The following UBE2E2 variants were observed in gnomAD, a reference collection of about 807,000 sequenced individuals.
UBE2E2 encodes ubiquitin conjugating enzyme E2 E2, also known as ubiquitin-conjugating enzyme E2 E2.
Under a neutral mutation model 24.7 loss-of-function variants are expected in UBE2E2, and 6 were observed. The ratio of observed to expected loss-of-function variants is 0.24; its 90% CI spans 0.13 to 0.48. The LOEUF is 0.48. UBE2E2 is among the 20% of genes least tolerant of loss of function. The probability of loss-of-function intolerance (pLI) is 0.99; values close to 1 mark genes in which losing one functional copy is unlikely to be tolerated. For missense variants in UBE2E2, 169 were observed against 245.0 expected (o/e 0.69, Z 2.07); for synonymous variants, 104 against 83.6 (o/e 1.24, Z -1.33).
chr3:23,212,784 T>G (rs1696365130), intron 2 of UBE2E2, among the ~76,000 whole-genome samples: 1 of 152,114 alleles, frequency 6.6e-6, no homozygotes, highest in South Asian at 2.1e-4. Context: ...TTAAAACTTT[T>G]TAATGTTTCT....
chr3:23,494,826 G>C (rs1297225129), intron 3 of UBE2E2, among the ~76,000 whole-genome samples: 3 of 151,998 alleles, frequency 2.0e-5, no homozygotes, highest in Non-Finnish European at 4.4e-5. Context: ...CTGGGTTCAA[G>C]CAATTCTCCT....
chr3:23,229,702 C>G (rs534363940), intron 3 of UBE2E2, among the ~76,000 whole-genome samples: 1 of 152,306 alleles, frequency 6.6e-6, no homozygotes, highest in East Asian at 1.9e-4. Context: ...GTGAACTGCT[C>G]TAGAACAGCA....
intron 5 of UBE2E2, among the ~76,000 whole-genome samples, chr3:23,557,008 CAGA>C (rs1695806496): frequency 6.6e-6 from 1 of 152,184 alleles, no homozygotes; most frequent in African/African-American, 2.4e-5. Flanking sequence ...TTTCTCATCA[CAGA>C]CATATCACCA....
chr3:23,345,426 T>G (rs1162513755), intron 3 of UBE2E2, among the ~76,000 whole-genome samples: 1 of 152,240 alleles, frequency 6.6e-6, no homozygotes, highest in African/African-American at 2.4e-5. Flanking sequence ...GTTTATAATT[T>G]TGTTACTTAT....
At chr3:23,253,429 T>A (rs913163204) in intron 3 of UBE2E2, among the ~76,000 whole-genome samples, 9 of 152,192 alleles carry the variant, frequency 5.9e-5, no homozygotes, top group Non-Finnish European at 8.8e-5. Context: ...GGGATATGTG[T>A]TCAGCCTTGT....
At chr3:23,481,573 A>G (rs1433621396) in intron 3 of UBE2E2, among the ~76,000 whole-genome samples, 5 of 152,244 alleles carry the variant, frequency 3.3e-5, no homozygotes, top group Admixed American at 3.3e-4. Flanking sequence ...TGGTCTTTCC[A>G]AGGCTGAGAA....
At chr3:23,221,393 A>G (rs1424069336) in intron 3 of UBE2E2, among the ~76,000 whole-genome samples, 1 of 152,156 alleles carries the variant, frequency 6.6e-6, no homozygotes, top group Non-Finnish European at 1.5e-5. Flanking sequence ...TCTGTTTTGC[A>G]ATATTTTGAT....
chr3:23,335,490 C>G (rs1236150350), intron 3 of UBE2E2, among the ~76,000 whole-genome samples: 1 of 152,086 alleles, frequency 6.6e-6, no homozygotes, highest in Non-Finnish European at 1.5e-5. Context: ...TATATTAATG[C>G]ATCTTGAATT....
chr3:23,548,412 C>T (rs1020951482), intron 5 of UBE2E2, among the ~76,000 whole-genome samples: 2 of 152,144 alleles, frequency 1.3e-5, no homozygotes, highest in African/African-American at 4.8e-5. Flanking sequence ...CCAGTACATA[C>T]ACATGCACAA....
intron 3 of UBE2E2, among the ~76,000 whole-genome samples, chr3:23,415,764 C>CT (rs1697608450): frequency 6.6e-6 from 1 of 152,056 alleles, no homozygotes; most frequent in African/African-American, 2.4e-5. Context: ...TATTATTATA[C>CT]TTTAAGTTCC....
chr3:23,475,734 G>T (rs975511949), intron 3 of UBE2E2, among the ~76,000 whole-genome samples: 5 of 152,022 alleles, frequency 3.3e-5, no homozygotes, highest in African/African-American at 9.7e-5. Flanking sequence ...CACCACTACT[G>T]CCCAGACCGG....
At position 23,554,765 on chromosome 3, in the gene UBE2E2, A is replaced by AT. The variant is rs1483886823; in HGVS notation, c.508+22064_508+22065insT. On this transcript the variant is annotated intron_variant, in intron 5 of 5. Coordinates refer to ENST00000396703, the MANE Select transcript of UBE2E2 (RefSeq NM_152653.4). ...GCAAAACTTCTCCACAGCAAAAGAA[A>AT]CAACAAAATGGAAAAGGACAACTAC... 3.3e-5 allele frequency among the ~76,000 whole-genome samples: 5 copies of AT among 152,162 alleles called. 1 individual carries two copies. The highest frequency in any genetic ancestry group is 7.3e-5 in the Non-Finnish European group (5 of 68,034).
intron 5 of UBE2E2, among the ~76,000 whole-genome samples, chr3:23,548,664 C>G (rs1338597399): frequency 1.3e-5 from 2 of 152,188 alleles, no homozygotes; most frequent in Non-Finnish European, 2.9e-5. Flanking sequence ...TGTTTCTCTT[C>G]TCTTTTCTTA....
chr3:23,399,800 A>G lies in UBE2E2; in HGVS notation c.228-99808A>G, dbSNP rs183300457. ...TACTTTACATTATAATGTACTGTTT[A>G]TCATTTGCATCATGAAACATTTTTA... On this transcript the variant is annotated intron_variant, in intron 3 of 5. Coordinates refer to ENST00000396703, the MANE Select transcript of UBE2E2 (RefSeq NM_152653.4). Among the ~76,000 whole-genome samples, 108 of 152,324 alleles carry G rather than the reference A, an allele frequency of 7.1e-4. 1 individual carries two copies. The highest frequency in any genetic ancestry group is 2.5e-3 in the African/African-American group (105 of 41,580).
intron 3 of UBE2E2, among the ~76,000 whole-genome samples, chr3:23,397,100 C>A (rs1251104829): frequency 6.6e-6 from 1 of 152,144 alleles, no homozygotes. Flanking sequence ...GTCCTCAGAC[C>A]CCTAATCTTG....
intron 3 of UBE2E2, among the ~76,000 whole-genome samples, chr3:23,336,202 C>G (rs1245727969): frequency 1.3e-5 from 2 of 151,526 alleles, no homozygotes; most frequent in Non-Finnish European, 2.9e-5. Flanking sequence ...TCCTGAGATG[C>G]AAGGAAATAA....
chr3:23,369,361 A>G (rs1451396993), intron 3 of UBE2E2, among the ~76,000 whole-genome samples: 3 of 152,182 alleles, frequency 2.0e-5, no homozygotes, highest in Admixed American at 2.0e-4. Flanking sequence ...AACATGTGTG[A>G]TTAATAATAC....
At chr3:23,451,193 G>T (rs1698554919) in intron 3 of UBE2E2, among the ~76,000 whole-genome samples, 1 of 152,158 alleles carries the variant, frequency 6.6e-6, no homozygotes, top group African/African-American at 2.4e-5. Context: ...TTTGAGTTTA[G>T]CCTGAGCAAC....
At chr3:23,581,769 T>C (rs563069425) in intron 5 of UBE2E2, among the ~76,000 whole-genome samples, 78 of 152,218 alleles carry the variant, frequency 5.1e-4, no homozygotes, top group Non-Finnish European at 7.2e-4. Context: ...TGTAATTTCT[T>C]CCATACCACC....
Sources: gnomAD v4.1 joint callset for allele counts (sites outside exome capture counted in the v4.1 genomes callset) on GRCh38, gnomAD v4.1.1 for gene constraint, MANE v1.5 for transcripts, NCBI Gene and HGNC (gene_info 2026-07-23, HGNC 2026-07-21) for gene names.